OGDH: variants seen among roughly 807,000 people sequenced by gnomAD.
OGDH encodes the protein oxoglutarate dehydrogenase.
In OGDH, 38 loss-of-function variants were observed where a neutral mutation model predicts 116.6. The observed-to-expected ratio is 0.33, with a 90% CI of 0.25 to 0.43. The LOEUF is 0.43. Among genes scored for constraint, OGDH ranks in the 20% least tolerant of loss-of-function variants. The probability of loss-of-function intolerance (pLI) is 1.00; values close to 1 mark genes in which losing one functional copy is unlikely to be tolerated. For synonymous variants in OGDH, 488 were observed against 533.3 expected (o/e 0.92, Z 1.17); for missense variants, 825 against 1,357.2 (o/e 0.61, Z 6.16).
At chr7:44,656,671 A>G (rs962644394) in intron 4 of OGDH, among the ~76,000 whole-genome samples, 3 of 152,172 alleles carry the variant, frequency 2.0e-5, no homozygotes, top group Admixed American at 6.5e-5. Flanking sequence ...AGCTGCTGCC[A>G]TAGCCAGCTG....
intron 1 of OGDH, among the ~76,000 whole-genome samples, chr7:44,607,925 C>T (rs1784416543): frequency 6.6e-6 from 1 of 152,164 alleles, no homozygotes; most frequent in Non-Finnish European, 1.5e-5. Context: ...TATTCTCGAA[C>T]TCCTGACCTC....
intron 18 of OGDH, 98 bp downstream of exon 18, chr7:44,698,361 C>A: frequency 1.6e-6 from 2 of 1,256,338 alleles, no homozygotes; most frequent in Non-Finnish European, 1.2e-6. Context: ...AGTGGCAGAC[C>A]GTGCCTCTGT....
At chr7:44,656,053 C>T (rs560077692) in intron 4 of OGDH, among the ~76,000 whole-genome samples, 1 of 152,266 alleles carries the variant, frequency 6.6e-6, no homozygotes, top group South Asian at 2.1e-4. Context: ...GGCTTTCCAT[C>T]GTCAGGGTGC....
At chr7:44,639,305 GGAAA>G (rs1785815362) in intron 2 of OGDH, among the ~76,000 whole-genome samples, 1 of 152,146 alleles carries the variant, frequency 6.6e-6, no homozygotes, top group South Asian at 2.1e-4. Context: ...ACAGGGAGGT[GGAAA>G]GAGAGTGGGG....
At chr7:44,675,113 C>A in intron 7 of OGDH, 65 bp from the exon 8 acceptor site, 1 of 1,297,534 alleles carries the variant, frequency 7.7e-7, no homozygotes. Flanking sequence ...ATTGTAACAC[C>A]CTCATCTGCC....
chr7:44,627,318 T>A (rs111462477), intron 2 of OGDH, among the ~76,000 whole-genome samples: 56 of 152,372 alleles, frequency 3.7e-4, no homozygotes, highest in African/African-American at 1.3e-3. Flanking sequence ...TCAAGGGAGA[T>A]AATCCATAAC....
chr7:44,696,597 C>T (rs371561429), intron 14 of OGDH, 40 bp downstream of exon 14: 175 of 1,612,692 alleles, frequency 1.1e-4, no homozygotes, highest in Non-Finnish European at 1.4e-4. Flanking sequence ...TGTTGGGGCC[C>T]AGGCCAGGGG....
At position 44,644,209 on chromosome 7, in the gene OGDH, TTAAAA is replaced by T. The variant is rs150008396; in HGVS notation, c.223-1113_223-1109del. On this transcript the variant is annotated intron_variant, in intron 2 of 22. Transcript: ENST00000222673. Reference sequence around the variant, plus strand: ...AGAGCGAGACTTCATCTCAAAAAAATTAAAATAAACTGATGTTTAATTGTGCTTTT... The same window carrying T: ...AGAGCGAGACTTCATCTCAAAAAAATTAAACTGATGTTTAATTGTGCTTTT... 3.5e-3 allele frequency among the ~76,000 whole-genome samples: 540 copies of T among 152,304 alleles called. 4 individuals are homozygous for T. The highest frequency in any genetic ancestry group is 0.013 in the African/African-American group (524 of 41,572).
At position 44,606,652 on chromosome 7, in the gene OGDH, A is replaced by G. The variant is rs1434546514; in HGVS notation, c.-29A>G. On this transcript the variant is annotated splice_region_variant and 5_prime_UTR_variant, in exon 1 of 23. Transcript: ENST00000222673. ...ATTCGGGTGGAGCTGAGCCGGAGAC[A>G]GGTAACCGTGCGCTGTCGCCGCGCC... 1 of 152,236 alleles carries G rather than the reference A, an allele frequency of 6.6e-6. No individual in the cohort carries two copies. The highest frequency in any genetic ancestry group is 2.4e-5 in the African/African-American group (1 of 41,446). 9.4% of individuals were successfully genotyped at this position (152,236 alleles called of 1,614,324 possible). A position where few individuals can be genotyped will look rare whatever the true frequency, so the allele number is the denominator to read the frequency against.
At chr7:44,643,783 G>T (rs559377273) in intron 2 of OGDH, among the ~76,000 whole-genome samples, 1 of 152,318 alleles carries the variant, frequency 6.6e-6, no homozygotes, top group East Asian at 1.9e-4. Flanking sequence ...AGAATGCAAA[G>T]ATCTCATAAA....
intron 10 of OGDH, among the ~76,000 whole-genome samples, chr7:44,692,273 A>C (rs1788396650): frequency 6.6e-6 from 1 of 152,222 alleles, no homozygotes; most frequent in South Asian, 2.1e-4. Context: ...CCAACAGGAG[A>C]ATGGATAAAT....
chr7:44,674,931 TA>T (rs1787623733), intron 7 of OGDH, among the ~76,000 whole-genome samples: 1 of 152,016 alleles, frequency 6.6e-6, no homozygotes, highest in African/African-American at 2.4e-5. Context: ...GGGAGAAGGG[TA>T]AGGAAGCCTC....
intron 10 of OGDH, 64 bp from the exon 11 acceptor site, chr7:44,693,761 C>G (rs1023085674): frequency 6.8e-7 from 1 of 1,468,900 alleles, no homozygotes; most frequent in South Asian, 1.3e-5. Context: ...GCCTCAGCCC[C>G]GCCCTCTGGT....
chr7:44,633,237 AG>A (rs1785519192), intron 2 of OGDH, among the ~76,000 whole-genome samples: 2 of 136,340 alleles, frequency 1.5e-5, no homozygotes, highest in Middle Eastern at 3.7e-3. Context: ...TGGGCAACAG[AG>A]CGAGACTCTG....
At chr7:44,646,875 C>G (rs189538342) in intron 3 of OGDH, among the ~76,000 whole-genome samples, 3 of 152,266 alleles carry the variant, frequency 2.0e-5, no homozygotes, top group Middle Eastern at 3.4e-3. Context: ...AGTGAGATGA[C>G]CTCTTATCTG....
At chr7:44,700,755 G>A (rs938814707) in intron 19 of OGDH, among the ~76,000 whole-genome samples, 8 of 152,184 alleles carry the variant, frequency 5.3e-5, no homozygotes, top group Non-Finnish European at 1.0e-4. Context: ...GCTCACGCCT[G>A]TAATCCCAGC....
At chr7:44,695,988 C>T (rs770104014) in intron 12 of OGDH, 37 bp from the exon 13 acceptor site, 1 of 1,162,178 alleles carries the variant, frequency 8.6e-7, no homozygotes, top group Admixed American at 1.7e-5. Context: ...TAGTCATGCC[C>T]TGTGCCAGTC....
intron 1 of OGDH, among the ~76,000 whole-genome samples, chr7:44,608,255 C>T (rs1163078128): frequency 6.6e-6 from 1 of 152,002 alleles, no homozygotes; most frequent in Non-Finnish European, 1.5e-5. Flanking sequence ...TAAAATTATC[C>T]GGATATGGTG....
intron 1 of OGDH, among the ~76,000 whole-genome samples, chr7:44,615,664 G>T (rs142839706): frequency 2.0e-5 from 3 of 152,058 alleles, no homozygotes; most frequent in Non-Finnish European, 4.4e-5. Context: ...AGTTTTCTTT[G>T]TCTACACCTG....
Sources: gnomAD v4.1 joint callset for allele counts (sites outside exome capture counted in the v4.1 genomes callset) on GRCh38, gnomAD v4.1.1 for gene constraint, MANE v1.5 for transcripts, NCBI Gene and HGNC (gene_info 2026-07-23, HGNC 2026-07-21) for gene names.